CTNNA3: variants seen among roughly 807,000 people sequenced by gnomAD.
The protein encoded by CTNNA3 is catenin alpha-3.
A neutral mutation model predicts 95.7 loss-of-function variants in CTNNA3; 76 were observed. The observed-to-expected ratio is 0.79, with a 90% CI of 0.66 to 0.96. The LOEUF is 0.96. Ranked by LOEUF, CTNNA3 falls within the 40% of genes least tolerant of loss-of-function variation. The pLI, the probability that CTNNA3 is intolerant of heterozygous loss-of-function variation, is 0.00. For synonymous variants in CTNNA3, 431 were observed against 374.4 expected (o/e 1.15, Z -1.74); for missense variants, 1,191 against 1,089.8 (o/e 1.09, Z -1.31).
At chr10:67,711,152 C>T (rs1012953238) in intron 1 of CTNNA3, among the ~76,000 whole-genome samples, 1 of 152,190 alleles carries the variant, frequency 6.6e-6, no homozygotes, top group South Asian at 2.1e-4. Flanking sequence ...AAACCTCTTT[C>T]TTTTGCAAAT....
At chr10:66,035,537 A>ATTTTTTTT (rs3884199) in intron 15 of CTNNA3, among the ~76,000 whole-genome samples, 1 of 147,184 alleles carries the variant, frequency 6.8e-6, no homozygotes, top group African/African-American at 2.5e-5. Context: ...GAATGAGGGT[A>ATTTTTTTT]TTTTTTTTTT....
At chr10:67,658,616 A>C (rs182498527) in intron 1 of CTNNA3, among the ~76,000 whole-genome samples, 49 of 152,346 alleles carry the variant, frequency 3.2e-4, no homozygotes, top group African/African-American at 1.2e-3. Context: ...TGTCTTAAAA[A>C]AAACAAACAA....
intron 5 of CTNNA3, among the ~76,000 whole-genome samples, chr10:67,368,013 C>T (rs55849133): frequency 9.2e-5 from 14 of 152,138 alleles, no homozygotes; most frequent in Admixed American, 2.0e-4. Flanking sequence ...AAAAAACCTG[C>T]GCATGTACCC....
At chr10:66,666,318 A>G (rs1320269254) in intron 9 of CTNNA3, among the ~76,000 whole-genome samples, 2 of 152,164 alleles carry the variant, frequency 1.3e-5, no homozygotes, top group African/African-American at 2.4e-5. Context: ...CATCCTGTCC[A>G]TTCAGGGTTT....
At chr10:67,678,524 G>A (rs1450743043) in intron 1 of CTNNA3, among the ~76,000 whole-genome samples, 12 of 152,160 alleles carry the variant, frequency 7.9e-5, no homozygotes, top group Non-Finnish European at 1.3e-4. Context: ...AGAATGATAC[G>A]TTAGGGAAGT....
At chr10:66,065,962 C>G (rs1247253525) in intron 15 of CTNNA3, among the ~76,000 whole-genome samples, 1 of 152,070 alleles carries the variant, frequency 6.6e-6, no homozygotes, top group Non-Finnish European at 1.5e-5. Context: ...ATCCTGGGTT[C>G]AAGTGATTCT....
At chr10:66,302,440 A>C (rs146569685) in intron 12 of CTNNA3, among the ~76,000 whole-genome samples, 9 of 152,254 alleles carry the variant, frequency 5.9e-5, no homozygotes, top group African/African-American at 1.7e-4. Context: ...TACAGTAATC[A>C]TGACAGCATT....
chr10:67,098,323 G>A (rs1044521480), intron 7 of CTNNA3: 5 of 152,810 alleles, frequency 3.3e-5, no homozygotes, highest in South Asian at 2.1e-4. Context: ...TGTGCTGTGC[G>A]AAACATGCAC....
At chr10:66,321,692 T>C (rs2092188475) in intron 12 of CTNNA3, among the ~76,000 whole-genome samples, 1 of 152,140 alleles carries the variant, frequency 6.6e-6, no homozygotes, top group Non-Finnish European at 1.5e-5. Context: ...ATAACATATT[T>C]TTATACTCTC....
intron 5 of CTNNA3, among the ~76,000 whole-genome samples, chr10:67,246,794 T>C (rs1865925449): frequency 6.6e-6 from 1 of 152,102 alleles, no homozygotes; most frequent in African/African-American, 2.4e-5. Context: ...AAAATTCCTT[T>C]CTAGGAAGAC....
chr10:65,976,015 T>C (rs1447046939), intron 16 of CTNNA3, among the ~76,000 whole-genome samples: 1 of 152,108 alleles, frequency 6.6e-6, no homozygotes, highest in Non-Finnish European at 1.5e-5. Context: ...CACAGTTTCA[T>C]GAGGTAAGTG....
intron 12 of CTNNA3, among the ~76,000 whole-genome samples, chr10:66,324,328 A>C (rs2092227274): frequency 6.6e-6 from 1 of 152,098 alleles, no homozygotes; most frequent in Non-Finnish European, 1.5e-5. Flanking sequence ...TCAAAAAACA[A>C]ACAAACAAAC....
At chr10:67,676,841 T>G (rs990917784) in intron 1 of CTNNA3, among the ~76,000 whole-genome samples, 7 of 152,164 alleles carry the variant, frequency 4.6e-5, no homozygotes, top group Non-Finnish European at 8.8e-5. Context: ...GCCTAGTGGC[T>G]GAGTCAGGAG....
intron 5 of CTNNA3, among the ~76,000 whole-genome samples, chr10:67,453,573 C>T (rs902876050): frequency 6.6e-6 from 1 of 152,184 alleles, no homozygotes; most frequent in African/African-American, 2.4e-5. Context: ...ACAAACTTCA[C>T]TTTCCCAAAT....
chr10:66,847,324 G>A (rs568241999), intron 7 of CTNNA3, among the ~76,000 whole-genome samples: 22 of 152,046 alleles, frequency 1.4e-4, no homozygotes, highest in Non-Finnish European at 2.8e-4. Flanking sequence ...ATTCCAAATT[G>A]ACAGGAAGCC....
intron 9 of CTNNA3, among the ~76,000 whole-genome samples, chr10:66,754,626 G>T (rs1294741305): frequency 6.6e-6 from 1 of 151,986 alleles, no homozygotes; most frequent in Non-Finnish European, 1.5e-5. Context: ...TCTGATAAGG[G>T]GGTTACATCA....
At chr10:67,365,960 A>G (rs1450733135) in intron 5 of CTNNA3, among the ~76,000 whole-genome samples, 1 of 152,254 alleles carries the variant, frequency 6.6e-6, no homozygotes, top group African/African-American at 2.4e-5. Context: ...ACAATAGCAA[A>G]GACTTGGACC....
At chr10:67,353,122 A>G (rs1039894615) in intron 5 of CTNNA3, among the ~76,000 whole-genome samples, 5 of 152,028 alleles carry the variant, frequency 3.3e-5, no homozygotes, top group African/African-American at 7.2e-5. Context: ...TTTAGACAAC[A>G]TATTCACCTG....
chr10:66,532,170 A>C (rs565170298), intron 10 of CTNNA3, among the ~76,000 whole-genome samples: 1 of 152,258 alleles, frequency 6.6e-6, no homozygotes, highest in Admixed American at 6.5e-5. Context: ...AAAGTTAAAA[A>C]GAAAAAACAA....
Sources: allele counts gnomAD v4.1 joint callset (sites outside exome capture counted in the v4.1 genomes callset), GRCh38; gene constraint gnomAD v4.1.1; transcripts MANE v1.5; gene names NCBI Gene and HGNC (gene_info 2026-07-23, HGNC 2026-07-21).